EMC3: variants seen among roughly 807,000 people sequenced by gnomAD.
EMC3 encodes the protein 30 kDa protein.
A neutral mutation model predicts 36.6 loss-of-function variants in EMC3; 13 were observed. The observed-to-expected ratio is 0.35, with a 90% CI of 0.23 to 0.56. The LOEUF (loss-of-function observed/expected upper bound fraction) is 0.56. Among genes scored for constraint, EMC3 ranks in the 20% least tolerant of loss-of-function variants. The probability of loss-of-function intolerance (pLI) is 0.84; values close to 1 mark genes in which losing one functional copy is unlikely to be tolerated. For missense variants in EMC3, 220 were observed against 324.5 expected (o/e 0.68, Z 2.47); for synonymous variants, 120 against 111.9 (o/e 1.07, Z -0.46).
intron 1 of EMC3, among the ~76,000 whole-genome samples, 158 bp downstream of exon 1, chr3:9,986,349 C>A (rs1358981019): frequency 6.6e-6 from 1 of 152,188 alleles, no homozygotes; most frequent in Non-Finnish European, 1.5e-5. Flanking sequence ...TTATCATCCC[C>A]ATTTCACAGA....
intron 1 of EMC3, chr3:9,981,528 A>G (rs948683953): frequency 6.4e-6 from 1 of 156,724 alleles, no homozygotes; most frequent in African/African-American, 2.4e-5. Flanking sequence ...ATTTTCATGA[A>G]TATCTAAAAA....
intron 7 of EMC3, among the ~76,000 whole-genome samples, chr3:9,965,899 GTTTA>G (rs1404672942): frequency 3.3e-5 from 5 of 151,976 alleles, no homozygotes; most frequent in Non-Finnish European, 2.9e-5. Context: ...ATATTCCATT[GTTTA>G]TTCATTCATT....
rs1368332042 is a variant in EMC3 at position 9,986,662 on chromosome 3, C to G, written c.-1G>C. 1 of 1,613,894 alleles carries G rather than the reference C, an allele frequency of 6.2e-7. No homozygotes were observed. The highest frequency in any genetic ancestry group is 8.5e-7 in the Non-Finnish European group (1 of 1,179,806). On this transcript the variant is annotated 5_prime_UTR_variant, in exon 1 of 8. Coordinates refer to ENST00000245046, the MANE Select transcript of EMC3 (RefSeq NM_001394674.1). ...CGAGCAACAGTTCTGGCCCTGCCATCTTCACTGAAAGCTGGTTCCCAGTCT... is the reference window on the plus strand; with the variant it reads ...CGAGCAACAGTTCTGGCCCTGCCATGTTCACTGAAAGCTGGTTCCCAGTCT...
intron 1 of EMC3, chr3:10,003,026 A>G: frequency 4.4e-6 from 2 of 455,824 alleles, no homozygotes; most frequent in South Asian, 3.1e-5. Context: ...GGAGACCCAG[A>G]AACATCCCAG....
At chr3:10,008,363 G>A (rs376614286) in intron 1 of EMC3, 1 of 1,354,484 alleles carries the variant, frequency 7.4e-7, no homozygotes, top group Non-Finnish European at 9.9e-7. Flanking sequence ...AGGCACCAGG[G>A]CAAAAACCCA....
chr3:9,991,663 A>G (rs577884034), upstream of EMC3, among the ~76,000 whole-genome samples: 1 of 152,218 alleles, frequency 6.6e-6, no homozygotes, highest in African/African-American at 2.4e-5. Flanking sequence ...TATAGGCATG[A>G]GCCTTCATGC....
chr3:9,971,832 C>A (rs1214191867), intron 5 of EMC3, among the ~76,000 whole-genome samples: 3 of 152,178 alleles, frequency 2.0e-5, no homozygotes, highest in Non-Finnish European at 4.4e-5. Context: ...ACCAAGTAGT[C>A]AAGATTACCA....
At chr3:9,991,450 T>C (rs1399510352), upstream of EMC3, among the ~76,000 whole-genome samples, 2 of 152,234 alleles carry the variant, frequency 1.3e-5, no homozygotes, top group Non-Finnish European at 2.9e-5. Flanking sequence ...TATACTCTTA[T>C]GCCTACACAT....
At chr3:9,981,564 T>C (rs2085912027) in intron 1 of EMC3, 1 of 235,106 alleles carries the variant, frequency 4.3e-6, no homozygotes, top group Non-Finnish European at 8.6e-6. Context: ...TTATAAAGCT[T>C]TGTAATTTGC....
intron 1 of EMC3, among the ~76,000 whole-genome samples, chr3:9,994,965 A>G (rs1025582509): frequency 6.1e-5 from 7 of 114,674 alleles, no homozygotes; most frequent in Non-Finnish European, 1.2e-4. Flanking sequence ...CTTATTTTGT[A>G]TTTGTACATA....
intron 7 of EMC3, among the ~76,000 whole-genome samples, chr3:9,967,350 T>C (rs1329891972): frequency 6.6e-6 from 1 of 152,196 alleles, no homozygotes; most frequent in Non-Finnish European, 1.5e-5. Flanking sequence ...TCTTCTGCAC[T>C]AACATGCCTG....
chr3:9,988,369 T>G (rs2086004181), upstream of EMC3: 6 of 1,164,516 alleles, frequency 5.2e-6, no homozygotes, highest in Admixed American at 8.5e-5. Context: ...CTGCTACTTG[T>G]AATTCCTCAG....
chr3:10,007,387 C>A (rs765169812), intron 1 of EMC3: 2 of 1,366,518 alleles, frequency 1.5e-6, no homozygotes, highest in Non-Finnish European at 2.0e-6. Context: ...CCCTGGGAAC[C>A]AGACTGTGCT....
chr3:9,975,063 G>C (rs1045583762), intron 3 of EMC3, among the ~76,000 whole-genome samples: 1 of 151,474 alleles, frequency 6.6e-6, no homozygotes, highest in African/African-American at 2.4e-5. Flanking sequence ...GTTTCACCAT[G>C]TCGGCCAGGC....
chr3:9,998,384 T>TAAG (rs1309876089), intron 1 of EMC3, among the ~76,000 whole-genome samples: 15 of 146,790 alleles, frequency 1.0e-4, no homozygotes, highest in Admixed American at 6.8e-4. Flanking sequence ...ATAATAATAA[T>TAAG]AATAATAATA....
chr3:9,996,479 G>T (rs1235094554), intron 1 of EMC3, among the ~76,000 whole-genome samples: 6 of 152,010 alleles, frequency 3.9e-5, no homozygotes, highest in Non-Finnish European at 8.8e-5. Context: ...AAAACAAAAA[G>T]AAGAGATTAG....
chr3:10,009,562 G>A (rs2086301938), intron 1 of EMC3, among the ~76,000 whole-genome samples: 1 of 152,208 alleles, frequency 6.6e-6, no homozygotes, highest in Non-Finnish European at 1.5e-5. Flanking sequence ...GAAGCATCAC[G>A]GGGTGGAGGG....
intron 1 of EMC3, among the ~76,000 whole-genome samples, chr3:10,000,438 A>T (rs1386651489): frequency 1.3e-5 from 2 of 152,260 alleles, no homozygotes; most frequent in Admixed American, 6.5e-5. Context: ...CAGTGATACC[A>T]TGTTCTGAAT....
At position 9,986,607 on chromosome 3, in the gene EMC3, G is replaced by A; in HGVS notation, c.55C>T (p.Pro19Ser). 1 of 1,614,212 alleles carries A rather than the reference G, an allele frequency of 6.2e-7. No individual in the cohort carries two copies. Among genetic ancestry groups the A allele is most frequent in the Non-Finnish European group, 8.5e-7 (1 of 1,180,044 alleles). Residue 19 changes from proline to serine, a missense_variant, in exon 1 of 8, where the codon CCC (proline) becomes TCC (serine). Pro to Ser is a moderately conservative substitution (Grantham distance 74). Transcript: ENST00000245046. ...ACGAAGAAAGTGATGATAACGATGG[G>A]TAGGACCACCCAGAGGCGGATGTTG... ...DSNIRLWVVL[P>S]IVIITFFVGM... is the part of the protein sequence containing the mutation.
Sources: gnomAD v4.1 joint callset for allele counts (sites outside exome capture counted in the v4.1 genomes callset) on GRCh38, gnomAD v4.1.1 for gene constraint, MANE v1.5 for transcripts, NCBI Gene and HGNC (gene_info 2026-07-23, HGNC 2026-07-21) for gene names.